CSTPP1: variants seen among roughly 807,000 people sequenced by gnomAD.
CSTPP1 encodes the protein UPF0705 protein C11orf49.
At chr11:46,971,823 TTG>T in the CSTPP1 span, among the ~76,000 whole-genome samples, 3 of 152,084 alleles carry the variant, frequency 2.0e-5, no homozygotes, top group African/African-American at 7.2e-5. Flanking sequence ...GGTGTGGCAC[TTG>T]TGGTCCTAGC....
At chr11:47,044,003 T>C in the CSTPP1 span, among the ~76,000 whole-genome samples, 1 of 152,172 alleles carries the variant, frequency 6.6e-6, no homozygotes, top group African/African-American at 2.4e-5. Flanking sequence ...TTATTTATTT[T>C]TGAGATGGAG....
At chr11:47,148,662 G>A in the CSTPP1 span, among the ~76,000 whole-genome samples, 5 of 152,138 alleles carry the variant, frequency 3.3e-5, no homozygotes, top group Admixed American at 3.3e-4. Context: ...GGCTCTCCCA[G>A]CACTTTAAAC....
the CSTPP1 span, among the ~76,000 whole-genome samples, chr11:47,014,943 T>C: frequency 6.6e-6 from 1 of 151,676 alleles, no homozygotes; most frequent in African/African-American, 2.4e-5. Flanking sequence ...TTTGAGAAGA[T>C]AAATAAAATC....
At chr11:46,954,289 C>A in the CSTPP1 span, among the ~76,000 whole-genome samples, 9 of 152,118 alleles carry the variant, frequency 5.9e-5, no homozygotes, top group African/African-American at 2.2e-4. Flanking sequence ...TAGCTTATGC[C>A]TATAATCCTA....
At chr11:47,026,282 C>T in the CSTPP1 span, among the ~76,000 whole-genome samples, 4 of 152,136 alleles carry the variant, frequency 2.6e-5, no homozygotes, top group Non-Finnish European at 5.9e-5. Flanking sequence ...GATATTTCCC[C>T]AGAGAAACCA....
the CSTPP1 span, among the ~76,000 whole-genome samples, chr11:47,163,746 G>A: frequency 1.3e-5 from 2 of 152,100 alleles, no homozygotes; most frequent in Non-Finnish European, 2.9e-5. Flanking sequence ...GGGTTCAAGT[G>A]ACTTCTGCTT....
chr11:47,101,164 A>ATTT, the CSTPP1 span, among the ~76,000 whole-genome samples: 163 of 30,322 alleles, frequency 5.4e-3, 11 homozygotes, highest in African/African-American at 0.021. Context: ...ACACCGGCTA[A>ATTT]TTTTTTTTTT....
the CSTPP1 span, chr11:47,137,869 G>C: frequency 2.7e-6 from 2 of 752,152 alleles, no homozygotes; most frequent in African/African-American, 1.8e-5. Context: ...TTTGGGATGT[G>C]CCCCAAAACA....
At chr11:46,986,468 T>C in the CSTPP1 span, among the ~76,000 whole-genome samples, 8 of 152,124 alleles carry the variant, frequency 5.3e-5, no homozygotes, top group East Asian at 1.2e-3. Flanking sequence ...TTTTCTTTTT[T>C]TTCTGTTCTG....
the CSTPP1 span, among the ~76,000 whole-genome samples, chr11:47,088,776 C>T: frequency 2.6e-5 from 4 of 152,026 alleles, no homozygotes; most frequent in Admixed American, 2.6e-4. Flanking sequence ...GAACTCCTGA[C>T]CTCAAGTGAT....
the CSTPP1 span, among the ~76,000 whole-genome samples, chr11:47,163,454 T>C: frequency 6.6e-6 from 1 of 152,136 alleles, no homozygotes; most frequent in Non-Finnish European, 1.5e-5. Flanking sequence ...TCCTTTCTAA[T>C]CATCCACTTC....
chr11:47,140,067 G>A, the CSTPP1 span, among the ~76,000 whole-genome samples: 5 of 152,278 alleles, frequency 3.3e-5, no homozygotes, highest in East Asian at 1.9e-4. Flanking sequence ...CCAGCCTCAC[G>A]GTGGGGCACG....
chr11:46,981,934 G>C, the CSTPP1 span, among the ~76,000 whole-genome samples: 1 of 151,988 alleles, frequency 6.6e-6, no homozygotes, highest in Middle Eastern at 3.4e-3. Flanking sequence ...CTTGGACCAG[G>C]ATATACCAGT....
the CSTPP1 span, among the ~76,000 whole-genome samples, chr11:47,150,817 G>A: frequency 6.6e-6 from 1 of 151,690 alleles, no homozygotes; most frequent in Non-Finnish European, 1.5e-5. Flanking sequence ...GGGGCAGATG[G>A]AGCGGGCTCA....
chr11:47,142,646 A>C, the CSTPP1 span, among the ~76,000 whole-genome samples: 1 of 152,118 alleles, frequency 6.6e-6, no homozygotes, highest in Non-Finnish European at 1.5e-5. Flanking sequence ...GAGGGAGCTT[A>C]TGAGAGTGAG....
chr11:47,140,230 C>A, the CSTPP1 span, among the ~76,000 whole-genome samples: 1 of 151,992 alleles, frequency 6.6e-6, no homozygotes, highest in African/African-American at 2.4e-5. Context: ...CTGGTAAAAG[C>A]CGCAGTTCAG....
chr11:47,001,256 C>T, the CSTPP1 span, among the ~76,000 whole-genome samples: 2 of 152,178 alleles, frequency 1.3e-5, no homozygotes, highest in Non-Finnish European at 2.9e-5. Context: ...AACTGGCCTC[C>T]CTCATGCTCT....
chr11:47,074,337 C>T, the CSTPP1 span, among the ~76,000 whole-genome samples: 243 of 151,700 alleles, frequency 1.6e-3, no homozygotes, highest in African/African-American at 5.6e-3. Flanking sequence ...AACATCTCTA[C>T]AAAAATAAGA....
chr11:46,980,933 A>G, the CSTPP1 span, among the ~76,000 whole-genome samples: 1 of 152,212 alleles, frequency 6.6e-6, no homozygotes, highest in Non-Finnish European at 1.5e-5. Context: ...GGCCAAGGAT[A>G]GTGAAAATAG....
Sources: allele counts gnomAD v4.1 joint callset (sites outside exome capture counted in the v4.1 genomes callset), GRCh38; gene constraint gnomAD v4.1.1; transcripts MANE v1.5; gene names NCBI Gene and HGNC (gene_info 2026-07-23, HGNC 2026-07-21).